Variants in CLSTN2 observed in about 807,000 individuals in gnomAD.
CLSTN2 encodes calsyntenin 2, also known as calsyntenin-2.
A neutral mutation model predicts 101.2 loss-of-function variants in CLSTN2; 48 were observed. The ratio of observed to expected loss-of-function variants is 0.47; its 90% CI spans 0.38 to 0.60. The LOEUF (loss-of-function observed/expected upper bound fraction) is 0.60. CLSTN2 is among the 20% of genes least tolerant of loss of function. CLSTN2 has a pLI of 0.00. For missense variants in CLSTN2, 1,160 were observed against 1,238.2 expected (o/e 0.94, Z 0.95); for synonymous variants, 481 against 463.6 (o/e 1.04, Z -0.48).
intron 1 of CLSTN2, among the ~76,000 whole-genome samples, chr3:140,022,660 C>T (rs1176573785): frequency 6.6e-6 from 1 of 152,158 alleles, no homozygotes; most frequent in Non-Finnish European, 1.5e-5. Flanking sequence ...CTAATTTCAC[C>T]CATGGTGCTG....
At chr3:140,054,610 C>T (rs943050596) in intron 1 of CLSTN2, among the ~76,000 whole-genome samples, 2 of 152,126 alleles carry the variant, frequency 1.3e-5, no homozygotes, top group Non-Finnish European at 2.9e-5. Context: ...GGGACCCTTA[C>T]CTGCTAGCCA....
intron 1 of CLSTN2, among the ~76,000 whole-genome samples, chr3:140,109,726 A>G (rs2009121522): frequency 6.6e-6 from 1 of 152,202 alleles, no homozygotes; most frequent in Admixed American, 6.5e-5. Context: ...TTCCAGCAGA[A>G]GAATTTTCTG....
chr3:140,366,404 C>T (rs1387333461), intron 2 of CLSTN2, among the ~76,000 whole-genome samples: 1 of 152,234 alleles, frequency 6.6e-6, no homozygotes, highest in Non-Finnish European at 1.5e-5. Context: ...CTTGAGAGAG[C>T]ATTTAAGAAA....
chr3:140,083,341 A>G (rs909300571), intron 1 of CLSTN2, among the ~76,000 whole-genome samples: 4 of 152,212 alleles, frequency 2.6e-5, no homozygotes, highest in African/African-American at 9.6e-5. Context: ...GATAGCCCAA[A>G]TTTTCTAATG....
intron 8 of CLSTN2, among the ~76,000 whole-genome samples, chr3:140,525,141 A>C (rs1420784225): frequency 6.6e-6 from 1 of 152,318 alleles, no homozygotes; most frequent in East Asian, 1.9e-4. Flanking sequence ...TCCATACAAA[A>C]GATCAATAAA....
intron 1 of CLSTN2, among the ~76,000 whole-genome samples, chr3:140,041,901 T>A (rs1317319482): frequency 6.6e-6 from 1 of 152,222 alleles, no homozygotes; most frequent in Non-Finnish European, 1.5e-5. Flanking sequence ...AAGAGGGGGC[T>A]GAGCTGTTAT....
chr3:140,221,895 G>A (rs1213234963), intron 2 of CLSTN2, among the ~76,000 whole-genome samples: 1 of 152,086 alleles, frequency 6.6e-6, no homozygotes, highest in East Asian at 1.9e-4. Flanking sequence ...CAAGTACTAT[G>A]GCAAACAGTT....
intron 2 of CLSTN2, among the ~76,000 whole-genome samples, chr3:140,364,625 G>T (rs1006575010): frequency 6.6e-6 from 1 of 152,168 alleles, no homozygotes; most frequent in African/African-American, 2.4e-5. Flanking sequence ...AGAAAAAAGA[G>T]CAAGAGAGTC....
At chr3:139,956,808 A>G (rs1935410159) in intron 1 of CLSTN2, among the ~76,000 whole-genome samples, 1 of 152,064 alleles carries the variant, frequency 6.6e-6, no homozygotes, top group South Asian at 2.1e-4. Flanking sequence ...AAAAATACAT[A>G]ATTTATTTTT....
chr3:139,952,570 G>T (rs1426309198), intron 1 of CLSTN2, among the ~76,000 whole-genome samples: 1 of 152,120 alleles, frequency 6.6e-6, no homozygotes. Context: ...GAAAGGTAAA[G>T]TCCTGTCAGT....
At chr3:140,208,084 T>G (rs1205677980) in intron 2 of CLSTN2, among the ~76,000 whole-genome samples, 1 of 152,170 alleles carries the variant, frequency 6.6e-6, no homozygotes, top group Non-Finnish European at 1.5e-5. Flanking sequence ...TTGATTGGGT[T>G]TAGGATATAA....
At chr3:139,949,535 T>C (rs1935260511) in intron 1 of CLSTN2, among the ~76,000 whole-genome samples, 1 of 152,072 alleles carries the variant, frequency 6.6e-6, no homozygotes, top group Admixed American at 6.6e-5. Flanking sequence ...CCAGCTGGGG[T>C]TAGGGACCTT....
At chr3:140,423,825 C>T (rs943939569) in intron 5 of CLSTN2, among the ~76,000 whole-genome samples, 3 of 152,158 alleles carry the variant, frequency 2.0e-5, no homozygotes, top group Admixed American at 6.5e-5. Context: ...CTCTCCCTTA[C>T]GTGCCCACCC....
intron 1 of CLSTN2, among the ~76,000 whole-genome samples, chr3:140,042,302 T>C (rs2007776229): frequency 6.6e-6 from 1 of 152,224 alleles, no homozygotes; most frequent in African/African-American, 2.4e-5. Flanking sequence ...CCATATTGAG[T>C]ATTGCGCATA....
chr3:140,094,498 T>A (rs2008835010), intron 1 of CLSTN2, among the ~76,000 whole-genome samples: 1 of 152,214 alleles, frequency 6.6e-6, no homozygotes, highest in Non-Finnish European at 1.5e-5. Context: ...GCATTTTAAT[T>A]AGCATCAATT....
chr3:140,373,254 T>G (rs1012084919), intron 2 of CLSTN2, among the ~76,000 whole-genome samples: 1 of 152,132 alleles, frequency 6.6e-6, no homozygotes, highest in African/African-American at 2.4e-5. Context: ...ATTCCAACAC[T>G]GACAATAGGA....
chr3:140,044,917 C>T (rs920941811), intron 1 of CLSTN2, among the ~76,000 whole-genome samples: 8 of 152,162 alleles, frequency 5.3e-5, no homozygotes, highest in African/African-American at 1.9e-4. Flanking sequence ...TGATGTGCTG[C>T]TGGATTCGGT....
chr3:140,000,451 A>G (rs1302366615), intron 1 of CLSTN2, among the ~76,000 whole-genome samples: 1 of 152,262 alleles, frequency 6.6e-6, no homozygotes, highest in Non-Finnish European at 1.5e-5. Flanking sequence ...GTAATAAATC[A>G]TAATAGTAAT....
intron 1 of CLSTN2, among the ~76,000 whole-genome samples, chr3:140,144,448 A>C (rs2009751214): frequency 6.6e-6 from 1 of 152,010 alleles, no homozygotes; most frequent in Non-Finnish European, 1.5e-5. Context: ...TCTCTACTAA[A>C]AAATACAAAA....
Sources: allele counts gnomAD v4.1 joint callset (sites outside exome capture counted in the v4.1 genomes callset), GRCh38; gene constraint gnomAD v4.1.1; transcripts MANE v1.5; gene names NCBI Gene and HGNC (gene_info 2026-07-23, HGNC 2026-07-21).